Variants in IK observed in about 807,000 individuals in gnomAD.
IK encodes the protein IK cytokine, also known as protein Red.
IK carries 47 observed loss-of-function variants against 90.9 expected under a neutral mutation model. The ratio of observed to expected loss-of-function variants is 0.52; its 90% CI spans 0.41 to 0.66. The LOEUF (loss-of-function observed/expected upper bound fraction) is 0.66, where lower values mean the gene tolerates loss of function less well. Among genes scored for constraint, IK ranks in the 30% least tolerant of loss-of-function variants. The pLI is 0.00. For synonymous variants in IK, 201 were observed against 227.5 expected (o/e 0.88, Z 1.05); for missense variants, 385 against 709.3 (o/e 0.54, Z 5.19).
intron 1 of IK, 118 bp downstream of exon 1, chr5:140,648,042 G>GTGTT (rs879137324): frequency 1.1e-5 from 5 of 471,460 alleles, no homozygotes; most frequent in Non-Finnish European, 1.7e-5. Flanking sequence ...GTGTGTGTGT[G>GTGTT]TGTATGTATG....
intron 2 of IK, 81 bp downstream of exon 2, chr5:140,648,618 T>C: frequency 3.8e-6 from 5 of 1,330,080 alleles, no homozygotes; most frequent in Non-Finnish European, 5.4e-6. Context: ...GAATTCTGAA[T>C]GTCTTGTCAT....
intron 2 of IK, among the ~76,000 whole-genome samples, chr5:140,649,416 T>C (rs1267475387): frequency 1.3e-5 from 2 of 151,184 alleles, no homozygotes; most frequent in African/African-American, 4.9e-5. Context: ...GGTTTCACTG[T>C]GTTCGTCAGG....
At position 140,659,326 on chromosome 5, in the gene IK, T is replaced by G. The variant is rs1265168105; in HGVS notation, c.1188T>G (p.Val396=). 2 of 1,613,858 alleles carry G rather than the reference T, an allele frequency of 1.2e-6. No individual in the cohort carries two copies. Among genetic ancestry groups the G allele is most frequent in the Non-Finnish European group, 1.7e-6 (2 of 1,179,868 alleles). Residue 396 remains valine, a synonymous_variant, in exon 13 of 20, where the codon GTT becomes GTG. Coordinates refer to ENST00000417647, the MANE Select transcript of IK (RefSeq NM_006083.4). ...KPKVDDEPMD[V]DKGPGSTKEL... The stretch of plus-strand genomic sequence containing the variant: ...TGTGTTCTTTCCAGCCCATGGACGT[T>G]GACAAAGGTGAGTTGTACACACAGC...
intron 2 of IK, 49 bp from the exon 3 acceptor site, chr5:140,651,665 T>C (rs754779843): frequency 2.2e-6 from 2 of 916,300 alleles, no homozygotes; most frequent in Admixed American, 2.2e-5. Context: ...TGTTCCTTTT[T>C]CATTTCTTAT....
intron 2 of IK, among the ~76,000 whole-genome samples, chr5:140,650,475 T>C (rs1757596892): frequency 6.6e-6 from 1 of 152,210 alleles, no homozygotes; most frequent in African/African-American, 2.4e-5. Flanking sequence ...TAAAATAATC[T>C]CTTGTACCAT....
intron 15 of IK, chr5:140,660,428 G>A: frequency 1.9e-6 from 1 of 539,254 alleles, no homozygotes; most frequent in South Asian, 2.3e-5. Flanking sequence ...CTCCCAAGTA[G>A]CTGGGATTAT....
At chr5:140,653,607 CT>C (rs35324921) in intron 5 of IK, among the ~76,000 whole-genome samples, 68 of 128,438 alleles carry the variant, frequency 5.3e-4, no homozygotes, top group East Asian at 2.5e-3. Flanking sequence ...CCCCCACCCC[CT>C]TTTTTTTTTT....
intron 1 of IK, chr5:140,648,176 T>A: frequency 1.4e-6 from 1 of 697,216 alleles, no homozygotes; most frequent in Non-Finnish European, 2.6e-6. Context: ...CGTGGATCGC[T>A]TTCCCCCAGT....
In IK at chr5:140,647,923, T is replaced by C. The variant is rs1248021788; in HGVS notation, c.15T>C (p.Asp5=). 7 of 1,613,852 alleles carry C rather than the reference T, an allele frequency of 4.3e-6. No homozygotes were observed. The highest frequency in any genetic ancestry group is 1.6e-4 in the Middle Eastern group (1 of 6,062). ...ACGATAACAAAATGCCGGAGCGAGA[T>C]AGTAAGGCTCAGGCCATCCGTTATT... MPER[D]SEPFSNPLAP... Residue 5 remains aspartate (D), a splice_region_variant and synonymous_variant, in exon 1 of 20, where the codon GAT becomes GAC. Coordinates refer to ENST00000417647, the MANE Select transcript of IK (RefSeq NM_006083.4).
At position 140,657,870 on chromosome 5, in the gene IK, A is replaced by G. The variant is rs191528016; in HGVS notation, c.910+208A>G. Reference sequence around the variant, plus strand: ...AAGAAGCAGTGGTCAGGTCTGAAGCATGAGGGATGGAGAGTGGGTAGCTTA... The same window carrying G: ...AAGAAGCAGTGGTCAGGTCTGAAGCGTGAGGGATGGAGAGTGGGTAGCTTA... On this transcript the variant is annotated intron_variant, in intron 10 of 19. Coordinates refer to ENST00000417647, the MANE Select transcript of IK (RefSeq NM_006083.4). Among the ~76,000 whole-genome samples the G allele has an allele frequency of 7.9e-4, 121 of 152,364 alleles. 2 individuals carry two copies. The highest frequency in any genetic ancestry group is 1.2e-3 in the East Asian group (6 of 5,194).
chr5:140,654,441 TG>T lies in IK; in HGVS notation c.520-73del, dbSNP rs1757671547. On this transcript the variant is annotated intron_variant, in intron 6 of 19. Transcript: ENST00000417647. ...TGTTTAATATTATATTCTTAGTTCC[TG>T]GTACAGTGTGGTGTAGTGGATGTTC... 4 of 1,099,494 alleles carry T rather than the reference TG, an allele frequency of 3.6e-6. No homozygotes were observed. The South Asian group carries it at 4.2e-5, about 12-fold the overall frequency. The allele number at this position is 1,099,494 out of a possible 1,614,324, so 68.1% of individuals were successfully genotyped here. A position where few individuals can be genotyped will look rare whatever the true frequency, so the allele number is the denominator to read the frequency against.
chr5:140,648,449 T>C (rs952215237), intron 1 of IK, 22 bp from the exon 2 acceptor site: 10 of 1,613,144 alleles, frequency 6.2e-6, no homozygotes, highest in Non-Finnish European at 7.6e-6. Context: ...CTGATTAAAT[T>C]AACGTCAATT....
chr5:140,660,289 C>CTTTT (rs1387044855), intron 15 of IK, 94 bp downstream of exon 15: 4 of 282,844 alleles, frequency 1.4e-5, no homozygotes, highest in Non-Finnish European at 1.8e-5. Flanking sequence ...CCCAGGGCTA[C>CTTTT]TTCTTTTTTT....
chr5:140,654,778 G>A (rs1209604037), intron 8 of IK, 51 bp downstream of exon 8: 1 of 1,184,220 alleles, frequency 8.4e-7, no homozygotes, highest in African/African-American at 1.5e-5. Flanking sequence ...GAATTGTACG[G>A]AATTTAATGC....
intron 5 of IK, 142 bp downstream of exon 5, chr5:140,653,286 CT>C (rs58111764): frequency 0.16 from 59,754 of 367,956 alleles, 55 homozygotes; most frequent in South Asian, 0.21. Flanking sequence ...AAGGGCTGTT[CT>C]TTTTTTTTTT....
rs1757504651 is a variant in IK at position 140,647,896 on chromosome 5, G to A, written c.-13G>A. 1 of 1,613,900 alleles carries A rather than the reference G, an allele frequency of 6.2e-7. No homozygotes were observed. Among genetic ancestry groups the A allele is most frequent in the Non-Finnish European group, 8.5e-7 (1 of 1,179,878 alleles). On this transcript the variant is annotated 5_prime_UTR_variant, in exon 1 of 20. Transcript: ENST00000417647. Reference sequence around the variant, plus strand: ...GACTCGATTGTTGGTGACAGCGAAAGAACGATAACAAAATGCCGGAGCGAG... The same window carrying A: ...GACTCGATTGTTGGTGACAGCGAAAAAACGATAACAAAATGCCGGAGCGAG...
intron 1 of IK, 120 bp downstream of exon 1, chr5:140,648,044 G>GTGTGTGTGTA: frequency 5.0e-6 from 2 of 398,976 alleles, no homozygotes; most frequent in Non-Finnish European, 7.8e-6. Context: ...GTGTGTGTGT[G>GTGTGTGTGTA]TATGTATGTA....
chr5:140,652,290 G>A (rs112638056), intron 4 of IK, 143 bp downstream of exon 4: 1 of 637,902 alleles, frequency 1.6e-6, no homozygotes, highest in Non-Finnish European at 2.8e-6. Flanking sequence ...ACTTAGAGTG[G>A]CAGTAGAGGG....
chr5:140,661,122 G>C lies in IK; in HGVS notation c.1413+307G>C. On this transcript the variant is annotated intron_variant, in intron 16 of 19. Transcript: ENST00000417647. The surrounding 1 kb of genome is among the most constrained non-coding windows in gnomAD (Gnocchi z 4.2). ...AGTAGAAAGGGCAGAAAAAATTGCAGTCTTTGGAAAATAACTAAATTTTAT... is the reference window on the plus strand; with the variant it reads ...AGTAGAAAGGGCAGAAAAAATTGCACTCTTTGGAAAATAACTAAATTTTAT... 1 of 351,878 alleles carries C rather than the reference G, an allele frequency of 2.8e-6. No individual in the cohort carries two copies. Among genetic ancestry groups the C allele is most frequent in the Admixed American group, 4.5e-5 (1 of 22,224 alleles). The allele number at this position is 351,878 out of a possible 1,614,324, so 21.8% of individuals were successfully genotyped here.
Sources: gnomAD v4.1 joint callset for allele counts (sites outside exome capture counted in the v4.1 genomes callset) on GRCh38, gnomAD v4.1.1 for gene constraint, Gnocchi (gnomAD v3.1) non-coding constraint, MANE v1.5 for transcripts, NCBI Gene and HGNC (gene_info 2026-07-23, HGNC 2026-07-21) for gene names.